The following CACNB2 variants were observed in gnomAD, a reference collection of about 807,000 sequenced individuals.
CACNB2 encodes the protein voltage-dependent L-type calcium channel subunit beta-2.
In CACNB2, 42 loss-of-function variants were observed where a neutral mutation model predicts 73.3. That is an observed-to-expected ratio of 0.57 (90% CI 0.45 to 0.74). CACNB2 has a LOEUF of 0.74. Ranked by LOEUF, CACNB2 falls within the 30% of genes least tolerant of loss-of-function variation. The pLI is 0.00. For missense variants in CACNB2, 940 were observed against 853.0 expected (o/e 1.10, Z -1.27); for synonymous variants, 348 against 310.3 (o/e 1.12, Z -1.28).
At chr10:18,500,505 G>T (rs538690838) in intron 4 of CACNB2, among the ~76,000 whole-genome samples, 1 of 152,242 alleles carries the variant, frequency 6.6e-6, no homozygotes, top group African/African-American at 2.4e-5. Context: ...GGTAGGATGG[G>T]CTGTTATTCT....
At chr10:18,340,868 C>A in intron 2 of CACNB2, 1 of 1,614,040 alleles carries the variant, frequency 6.2e-7, no homozygotes, top group Non-Finnish European at 8.5e-7. Context: ...GTCCTGAATT[C>A]TTGCTCCTGT....
Position 18,220,244 on chromosome 10 carries a change from G to C in CACNB2, c.213+69269G>C, listed in dbSNP as rs867725254. Reference sequence around the variant, plus strand: ...ATATATATATATATAGAGAGAGAGAGAGAGAGAGAGAGAGAGAGAGAGAGA... The same window carrying C: ...ATATATATATATATAGAGAGAGAGACAGAGAGAGAGAGAGAGAGAGAGAGA... On this transcript the variant is annotated intron_variant, in intron 2 of 13. Transcript: ENST00000324631. Among the ~76,000 whole-genome samples the C allele has an allele frequency of 9.6e-3, 940 of 97,484 alleles. 81 individuals are homozygous for C. The highest frequency in any genetic ancestry group is 0.036 in the African/African-American group (705 of 19,476). 64.0% of individuals were successfully genotyped at this position (97,484 alleles called of 152,430 possible). A position where few individuals can be genotyped will look rare whatever the true frequency, so the allele number is the denominator to read the frequency against.
intron 2 of CACNB2, among the ~76,000 whole-genome samples, chr10:18,320,566 C>T (rs1019643652): frequency 4.6e-5 from 7 of 152,120 alleles, no homozygotes; most frequent in African/African-American, 1.4e-4. Context: ...ATTTAGACTG[C>T]GGGGACATAA....
intron 3 of CACNB2, among the ~76,000 whole-genome samples, chr10:18,474,170 C>G (rs945197628): frequency 6.6e-6 from 1 of 152,136 alleles, no homozygotes; most frequent in East Asian, 1.9e-4. Context: ...CGAAGGGGAA[C>G]ATTGCAAATC....
At chr10:18,493,117 C>T (rs1419672588) in intron 3 of CACNB2, among the ~76,000 whole-genome samples, 1 of 152,188 alleles carries the variant, frequency 6.6e-6, no homozygotes. Context: ...ATTATAACTG[C>T]TCTAGAGATA....
chr10:18,515,336 CCT>C (rs879473224), intron 7 of CACNB2, among the ~76,000 whole-genome samples: 4 of 152,010 alleles, frequency 2.6e-5, no homozygotes, highest in East Asian at 1.9e-4. Context: ...CTTTTTTTCC[CCT>C]CTTTTACCCA....
At chr10:18,499,005 T>A (rs1313656000) in intron 4 of CACNB2, among the ~76,000 whole-genome samples, 3 of 152,164 alleles carry the variant, frequency 2.0e-5, no homozygotes, top group Non-Finnish European at 4.4e-5. Flanking sequence ...AAAGTCCTTT[T>A]CCTACATGCT....
chr10:18,166,615 G>A (rs2032869294), intron 2 of CACNB2, among the ~76,000 whole-genome samples: 1 of 152,154 alleles, frequency 6.6e-6, no homozygotes, highest in South Asian at 2.1e-4. Context: ...ATAGTTACTT[G>A]ACCACCAGTT....
At chr10:18,423,410 C>A (rs1477604019) in intron 3 of CACNB2, among the ~76,000 whole-genome samples, 2 of 152,142 alleles carry the variant, frequency 1.3e-5, no homozygotes, top group African/African-American at 4.8e-5. Context: ...GTGGTCTCTG[C>A]CAGGAGAAAG....
rs193150123 is a variant in CACNB2 at position 18,317,103 on chromosome 10, A to T, written c.214-84821A>T. On this transcript the variant is annotated intron_variant, in intron 2 of 13. Coordinates refer to ENST00000324631, the MANE Select transcript of CACNB2 (RefSeq NM_201596.3). ...TTACAGCTGTCTCCCCATTCCCCAC[A>T]CCACCCCCTGCCCCCCACACAGAAA... Among the ~76,000 whole-genome samples the T allele has an allele frequency of 4.4e-3, 659 of 148,918 alleles. 2 individuals carry two copies. The highest frequency in any genetic ancestry group is 7.7e-3 in the Non-Finnish European group (516 of 67,362).
At chr10:18,462,325 G>C (rs1196838725) in intron 3 of CACNB2, among the ~76,000 whole-genome samples, 1 of 152,000 alleles carries the variant, frequency 6.6e-6, no homozygotes, top group Non-Finnish European at 1.5e-5. Flanking sequence ...ACAATCCGCA[G>C]CTCACTGCAG....
chr10:18,324,384 A>G (rs1316454942), intron 2 of CACNB2, among the ~76,000 whole-genome samples: 1 of 152,250 alleles, frequency 6.6e-6, no homozygotes, highest in Non-Finnish European at 1.5e-5. Context: ...GAGGGAGGCC[A>G]TTTCAGAATG....
chr10:18,183,420 A>T (rs1169592177), intron 2 of CACNB2, among the ~76,000 whole-genome samples: 1 of 152,150 alleles, frequency 6.6e-6, no homozygotes, highest in Non-Finnish European at 1.5e-5. Flanking sequence ...TCACACTGCA[A>T]ATAAAGACAT....
chr10:18,539,033 CA>C (rs1259883317), intron 13 of CACNB2, among the ~76,000 whole-genome samples, 196 bp from the exon 14 acceptor site: 2 of 151,482 alleles, frequency 1.3e-5, no homozygotes, highest in African/African-American at 4.9e-5. Context: ...TAGGCACTTA[CA>C]AAAGTCCAAT....
chr10:18,236,576 C>G (rs1267147487), intron 2 of CACNB2, among the ~76,000 whole-genome samples: 2 of 152,114 alleles, frequency 1.3e-5, no homozygotes, highest in Non-Finnish European at 2.9e-5. Flanking sequence ...TGGTATTAGC[C>G]AAAGTGGAGA....
At chr10:18,511,301 A>T (rs1182853456) in intron 6 of CACNB2, among the ~76,000 whole-genome samples, 1 of 152,200 alleles carries the variant, frequency 6.6e-6, no homozygotes, top group Non-Finnish European at 1.5e-5. Flanking sequence ...TGTACAAACA[A>T]TGGCAGGTAT....
At chr10:18,297,420 G>A (rs1252530217) in intron 2 of CACNB2, among the ~76,000 whole-genome samples, 1 of 152,092 alleles carries the variant, frequency 6.6e-6, no homozygotes, top group African/African-American at 2.4e-5. Context: ...AGCCGGGTGT[G>A]GTGGCTGTAT....
intron 2 of CACNB2, among the ~76,000 whole-genome samples, chr10:18,387,752 C>G (rs2043294646): frequency 6.6e-6 from 1 of 151,190 alleles, no homozygotes; most frequent in Non-Finnish European, 1.5e-5. Context: ...CGAGCCATTT[C>G]TTTCTCTCTT....
intron 2 of CACNB2, among the ~76,000 whole-genome samples, chr10:18,157,320 TA>T (rs750702538): frequency 6.6e-6 from 1 of 152,238 alleles, no homozygotes; most frequent in Non-Finnish European, 1.5e-5. Flanking sequence ...CTTTGCTATT[TA>T]TTAGTTGGCC....
Sources: gnomAD v4.1 joint callset for allele counts (sites outside exome capture counted in the v4.1 genomes callset) on GRCh38, gnomAD v4.1.1 for gene constraint, MANE v1.5 for transcripts, NCBI Gene and HGNC (gene_info 2026-07-23, HGNC 2026-07-21) for gene names.